NME7: variants seen among roughly 807,000 people sequenced by gnomAD.
The protein encoded by NME7 is nucleoside diphosphate kinase 7.
In NME7, 41 loss-of-function variants were observed where a neutral mutation model predicts 49.1. The ratio of observed to expected loss-of-function variants is 0.83; its 90% CI spans 0.65 to 1.08. NME7 has a LOEUF of 1.08. Among genes scored for constraint, NME7 ranks in the 50% least tolerant of loss-of-function variants. The pLI, the probability that NME7 is intolerant of heterozygous loss-of-function variation, is 0.00. For synonymous variants in NME7, 139 were observed against 150.6 expected, an observed-to-expected ratio of 0.92 and a Z score of 0.56; for missense variants, 423 against 463.4, an observed-to-expected ratio of 0.91 and a Z score of 0.80.
chr1:169,156,178 C>T (rs962940683), intron 11 of NME7, among the ~76,000 whole-genome samples: 175 of 123,674 alleles, frequency 1.4e-3, no homozygotes, highest in African/African-American at 4.8e-3. Flanking sequence ...TGGGGCATGA[C>T]GGTGCATGCC....
chr1:169,213,816 A>AAAAT (rs910422485), intron 10 of NME7, among the ~76,000 whole-genome samples: 3 of 148,612 alleles, frequency 2.0e-5, no homozygotes, highest in Admixed American at 6.7e-5. Context: ...ATATAAAAAT[A>AAAAT]AAATAAATAA....
At chr1:169,281,899 C>T (rs943912985) in intron 7 of NME7, among the ~76,000 whole-genome samples, 19 of 152,098 alleles carry the variant, frequency 1.2e-4, no homozygotes, top group African/African-American at 4.3e-4. Flanking sequence ...GGATATTGGC[C>T]TGAAATTTTC....
chr1:169,216,922 T>C (rs1258738174), intron 10 of NME7, among the ~76,000 whole-genome samples: 4 of 152,300 alleles, frequency 2.6e-5, no homozygotes, highest in South Asian at 4.1e-4. Context: ...TTTTTTTTGT[T>C]TTTGTTTTTG....
rs572619045 is a variant in NME7 at position 169,266,946 on chromosome 1, T to C, written c.754+20357A>G. Among the ~76,000 whole-genome samples the C allele has an allele frequency of 7.9e-4, 105 of 132,502 alleles. 6 individuals carry two copies. The highest frequency in any genetic ancestry group is 2.7e-3 in the African/African-American group (104 of 39,242). 86.9% of individuals were successfully genotyped at this position (132,502 alleles called of 152,430 possible). A position where few individuals can be genotyped will look rare whatever the true frequency, so the allele number is the denominator to read the frequency against. ...AGCTGAGCATGGTGGTGCGTGCCTG[T>C]AATCCCAGCTACTTGGGAGGCTGAG... On this transcript the variant is annotated intron_variant, in intron 7 of 11. Transcript: ENST00000367811.
Position 169,237,660 on chromosome 1 carries a change from A to C in NME7, c.782T>G (p.Ile261Ser). The part of the protein sequence containing the change: ...EGLLGKILMA[I>S]RDAGFEISAM... ...TGAGATTTCAAAACCTGCATCTCGG[A>C]TAGCCATCAGGATCTTTCCCAACAG... The change falls in exon 8 of 12, where the codon ATC becomes AGC. Residue 261 changes from isoleucine to serine, a missense_variant. Physicochemically the swap from Ile to Ser is moderately radical, Grantham distance 142. Transcript: ENST00000367811. 1 of 1,611,430 alleles carries C rather than the reference A, an allele frequency of 6.2e-7. No homozygotes were observed. The highest frequency in any genetic ancestry group is 8.5e-7 in the Non-Finnish European group (1 of 1,178,204).
At chr1:169,180,416 T>C (rs1294867955) in intron 10 of NME7, among the ~76,000 whole-genome samples, 1 of 152,214 alleles carries the variant, frequency 6.6e-6, no homozygotes, top group Non-Finnish European at 1.5e-5. Context: ...TATGGGTAAC[T>C]TGGTTCTACG....
At chr1:169,276,235 T>C (rs10919122) in intron 7 of NME7, among the ~76,000 whole-genome samples, 15,759 of 133,334 alleles carry the variant, frequency 0.12, 4,367 homozygotes, top group Admixed American at 0.25. Flanking sequence ...TCTTTTTTTA[T>C]TCAGTGGAAT....
rs67570124 is a variant in NME7, at chr1:169,342,928, CAA to C, written c.4-18430_4-18429del. ...TATATATAGTGTATATATATATATA[CAA>C]GTACATATATATACTTGTATTAGTA... is the stretch of plus-strand genomic sequence containing the variant. On this transcript the variant is annotated intron_variant, in intron 1 of 11. Coordinates refer to ENST00000367811, the MANE Select transcript of NME7 (RefSeq NM_013330.5). 0.059 allele frequency among the ~76,000 whole-genome samples: 5,878 copies of C among 100,230 alleles called. 1,630 individuals carry two copies. In the East Asian group the frequency reaches 0.7, roughly 12 times the overall value. 65.8% of individuals were successfully genotyped at this position (100,230 alleles called of 152,430 possible). A position where few individuals can be genotyped will look rare whatever the true frequency, so the allele number is the denominator to read the frequency against.
intron 7 of NME7, among the ~76,000 whole-genome samples, chr1:169,250,872 G>C (rs1030481342): frequency 6.6e-6 from 1 of 152,076 alleles, no homozygotes; most frequent in Non-Finnish European, 1.5e-5. Context: ...AAAATTTATA[G>C]AGACTTGTTT....
chr1:169,201,317 G>T (rs1187571593), intron 10 of NME7, among the ~76,000 whole-genome samples: 1 of 152,108 alleles, frequency 6.6e-6, no homozygotes, highest in Non-Finnish European at 1.5e-5. Context: ...GTTGTCTGAG[G>T]AGTTTTAACT....
At chr1:169,219,603 T>C (rs1337447338) in intron 10 of NME7, among the ~76,000 whole-genome samples, 2 of 152,208 alleles carry the variant, frequency 1.3e-5, no homozygotes, top group Non-Finnish European at 2.9e-5. Context: ...TCTCACTGTG[T>C]TGCCCAGGCT....
At chr1:169,134,173 ATTC>A (rs1658351321) in intron 11 of NME7, among the ~76,000 whole-genome samples, 2 of 152,250 alleles carry the variant, frequency 1.3e-5, no homozygotes, top group Admixed American at 1.3e-4. Flanking sequence ...TATGCCAAGC[ATTC>A]TTCTAACAGC....
intron 8 of NME7, among the ~76,000 whole-genome samples, chr1:169,237,343 T>A (rs1430254026): frequency 6.6e-6 from 1 of 152,120 alleles, no homozygotes; most frequent in Non-Finnish European, 1.5e-5. Flanking sequence ...TTTTGGTCCT[T>A]ATTTATTTTG....
chr1:169,221,087 T>A (rs920379484), intron 10 of NME7, among the ~76,000 whole-genome samples: 1 of 152,182 alleles, frequency 6.6e-6, no homozygotes, highest in African/African-American at 2.4e-5. Flanking sequence ...CCTTTTTCTA[T>A]TTCATCAATT....
intron 7 of NME7, among the ~76,000 whole-genome samples, chr1:169,270,923 A>G (rs1322971442): frequency 7.5e-6 from 1 of 134,204 alleles, no homozygotes; most frequent in Non-Finnish European, 1.8e-5. Context: ...TTATGGATGG[A>G]ATTAATAACT....
chr1:169,238,258 TAAAAA>T (rs1384090997), intron 7 of NME7, among the ~76,000 whole-genome samples: 1 of 151,230 alleles, frequency 6.6e-6, no homozygotes, highest in Non-Finnish European at 1.5e-5. Context: ...GAAAAACAAA[TAAAAA>T]AGGAAAAGAG....
chr1:169,251,939 T>C (rs1251851949), intron 7 of NME7, among the ~76,000 whole-genome samples: 2 of 150,272 alleles, frequency 1.3e-5, no homozygotes, highest in East Asian at 3.9e-4. Context: ...ATGTGCCACA[T>C]TTTCTTAATC....
chr1:169,291,503 G>A (rs111360116), intron 6 of NME7, among the ~76,000 whole-genome samples: 3,440 of 152,088 alleles, frequency 0.023, 56 homozygotes, highest in Non-Finnish European at 0.036. Context: ...GGCATGTTGC[G>A]GGGTGGGGGG....
intron 11 of NME7, among the ~76,000 whole-genome samples, chr1:169,148,175 G>A (rs1483375913): frequency 6.6e-6 from 1 of 151,954 alleles, no homozygotes; most frequent in South Asian, 2.1e-4. Context: ...GCTAATTTTT[G>A]TATTTTTTGT....
Sources: gnomAD v4.1 joint callset for allele counts (sites outside exome capture counted in the v4.1 genomes callset) on GRCh38, gnomAD v4.1.1 for gene constraint, MANE v1.5 for transcripts, NCBI Gene and HGNC (gene_info 2026-07-23, HGNC 2026-07-21) for gene names.